The following ATCAY variants were observed in gnomAD, a reference collection of about 807,000 sequenced individuals.
ATCAY encodes caytaxin.
ATCAY carries 22 observed loss-of-function variants against 47.7 expected under a neutral mutation model. The observed-to-expected ratio is 0.46, with a 90% CI of 0.33 to 0.66. The LOEUF is 0.66. ATCAY is among the 30% of genes least tolerant of loss of function. The pLI, the probability that ATCAY is intolerant of heterozygous loss-of-function variation, is 0.02. For synonymous variants in ATCAY, 216 were observed against 207.6 expected (o/e 1.04, Z -0.35); for missense variants, 452 against 515.0 (o/e 0.88, Z 1.18).
intron 5 of ATCAY, 92 bp from the exon 6 acceptor site, chr19:3,908,176 G>C (rs184429970): frequency 6.8e-6 from 8 of 1,183,772 alleles, no homozygotes; most frequent in Non-Finnish European, 8.5e-6. Flanking sequence ...CCTCCCGAGC[G>C]TGTGGGCACC....
rs150310410 is a variant in ATCAY, at chr19:3,912,627, C to A, written c.867-1131C>A. ...AGGTGTGGTGACCCAGGCTTGTAAT[C>A]CCAGCACTTTGGGAGACCGAGGCAG... On this transcript the variant is annotated intron_variant, in intron 8 of 12. Transcript: ENST00000450849. 9.9e-4 allele frequency among the ~76,000 whole-genome samples: 151 copies of A among 152,150 alleles called. 1 individual carries two copies. In the East Asian group the frequency reaches 0.025, roughly 25 times the overall value.
In ATCAY at chr19:3,885,109, T is replaced by TAAAA. The variant is rs34258948; in HGVS notation, c.-41-595_-41-592dup. On this transcript the variant is annotated intron_variant, in intron 1 of 12. Transcript: ENST00000450849. ...CAGAGCAAGATCATGTTTTTTTTTT[T>TAAAA]AAAAAAAAAAAAAAAAAAAAAAAAA... Among the ~76,000 whole-genome samples the TAAAA allele has an allele frequency of 3.5e-3, 244 of 70,250 alleles. 1 individual carries two copies. Among genetic ancestry groups the TAAAA allele is most frequent in the Middle Eastern group, 9.3e-3 (1 of 108 alleles). 46.1% of individuals were successfully genotyped at this position (70,250 alleles called of 152,430 possible).
chr19:3,904,752 G>C (rs1409467602), intron 3 of ATCAY, among the ~76,000 whole-genome samples: 1 of 152,080 alleles, frequency 6.6e-6, no homozygotes, highest in Admixed American at 6.6e-5. Context: ...ATCGTTACAG[G>C]ATCCTCATGA....
chr19:3,916,528 C>A (rs761437905), intron 9 of ATCAY, among the ~76,000 whole-genome samples: 2 of 152,196 alleles, frequency 1.3e-5, no homozygotes, highest in Non-Finnish European at 2.9e-5. Flanking sequence ...GAGTCTCACT[C>A]TGTCACCCAG....
chr19:3,910,844 C>G lies in ATCAY; in HGVS notation c.821C>G (p.Ser274Trp). 6.2e-7 allele frequency: 1 copy of G among 1,614,020 alleles called. No individual in the cohort carries two copies. The highest frequency in any genetic ancestry group is 8.5e-7 in the Non-Finnish European group (1 of 1,179,898). ...NLKSLIIVHP[S>W]WFIRTVLAIS... ...AAGTCCTTGATCATCGTCCACCCCT[C>G]GTGGTTCATTCGGACTGTGCTGGCC... Residue 274 changes from serine to tryptophan, a missense_variant, in exon 8 of 13, where the codon TCG becomes TGG. Coordinates refer to ENST00000450849, the MANE Select transcript of ATCAY (RefSeq NM_033064.5).
chr19:3,895,215 A>AGTTTTT (rs566755627), intron 2 of ATCAY: 10 of 455,878 alleles, frequency 2.2e-5, no homozygotes, highest in African/African-American at 4.0e-5. Context: ...CTAATGCTGC[A>AGTTTTT]GTTTTTGTTT....
intron 10 of ATCAY, 54 bp from the exon 11 acceptor site, chr19:3,918,752 C>A: frequency 6.2e-7 from 1 of 1,602,342 alleles, no homozygotes; most frequent in Non-Finnish European, 8.5e-7. Flanking sequence ...GAGAGCCCAC[C>A]CCTTGGCCTG....
chr19:3,925,506 C>T lies in ATCAY; in HGVS notation c.*914C>T, dbSNP rs1456397540. ...CAAGAGGAAGATACAGGGTATCGGG[C>T]GTTTGAGTGTTTCAGAAGTCATTCG... On this transcript the variant is annotated 3_prime_UTR_variant, in exon 13 of 13. Coordinates refer to ENST00000450849, the MANE Select transcript of ATCAY (RefSeq NM_033064.5). This position sits in a 1 kb window ranked among gnomAD's most constrained non-coding sequence, Gnocchi z 4.4. 3 of 152,216 alleles carry T rather than the reference C, an allele frequency of 2.0e-5. No homozygotes were observed. The highest frequency in any genetic ancestry group is 2.1e-4 in the South Asian group (1 of 4,836). The allele number at this position is 152,216 out of a possible 1,614,324, so 9.4% of individuals were successfully genotyped here. A position where few individuals can be genotyped will look rare whatever the true frequency, so the allele number is the denominator to read the frequency against.
At chr19:3,891,736 G>T (rs562953762) in intron 2 of ATCAY, among the ~76,000 whole-genome samples, 4 of 151,882 alleles carry the variant, frequency 2.6e-5, no homozygotes, top group Non-Finnish European at 5.9e-5. Context: ...TGGGGGAGGA[G>T]CTTACCCAGG....
chr19:3,899,509 T>G (rs1222528663), intron 2 of ATCAY, among the ~76,000 whole-genome samples: 2 of 151,856 alleles, frequency 1.3e-5, no homozygotes, highest in Admixed American at 1.3e-4. Flanking sequence ...GAGACTGGGT[T>G]TCACCATTTT....
At chr19:3,901,501 A>G (rs1450111977) in intron 2 of ATCAY, among the ~76,000 whole-genome samples, 1 of 152,142 alleles carries the variant, frequency 6.6e-6, no homozygotes, top group Non-Finnish European at 1.5e-5. Context: ...ACAACTCATC[A>G]GAGACCAAAT....
intron 2 of ATCAY, among the ~76,000 whole-genome samples, chr19:3,897,832 C>T (rs528829328): frequency 2.0e-5 from 3 of 152,116 alleles, no homozygotes; most frequent in South Asian, 4.1e-4. Context: ...CGCCTAAACC[C>T]GGGAGATGGA....
chr19:3,898,946 C>G (rs528156808), intron 2 of ATCAY, among the ~76,000 whole-genome samples: 64 of 152,306 alleles, frequency 4.2e-4, no homozygotes, highest in South Asian at 3.3e-3. Context: ...TCCCAAAGTG[C>G]CAGGATGACA....
At chr19:3,909,236 C>CAA (rs1219999854) in intron 6 of ATCAY, among the ~76,000 whole-genome samples, 4 of 116,182 alleles carry the variant, frequency 3.4e-5, no homozygotes, top group East Asian at 5.9e-4. Context: ...GATTCCGTCT[C>CAA]AAAAAAAAAA....
chr19:3,908,243 T>G, intron 5 of ATCAY, 25 bp from the exon 6 acceptor site: 1 of 1,548,888 alleles, frequency 6.5e-7, no homozygotes, highest in South Asian at 1.2e-5. Flanking sequence ...GACTCTGACG[T>G]TGCCGATCGG....
intron 10 of ATCAY, 111 bp downstream of exon 10, chr19:3,917,888 T>A: frequency 8.1e-7 from 1 of 1,230,604 alleles, no homozygotes; most frequent in Non-Finnish European, 1.1e-6. Context: ...CATTGTCCTG[T>A]GCAGGGCTCA....
chr19:3,897,263 C>CTATATA (rs10677459), intron 2 of ATCAY, among the ~76,000 whole-genome samples: 3,800 of 143,912 alleles, frequency 0.026, 92 homozygotes, highest in African/African-American at 0.069. Flanking sequence ...TTGAAGTTTG[C>CTATATA]TATATATATA....
At chr19:3,912,253 G>A (rs544045579) in intron 8 of ATCAY, among the ~76,000 whole-genome samples, 137 of 152,144 alleles carry the variant, frequency 9.0e-4, no homozygotes, top group African/African-American at 2.7e-3. Context: ...TGAGAGGATC[G>A]CTTGAGCCCG....
intron 1 of ATCAY, among the ~76,000 whole-genome samples, chr19:3,882,889 C>A (rs1440670556): frequency 2.0e-5 from 3 of 151,914 alleles, no homozygotes; most frequent in Non-Finnish European, 4.4e-5. Flanking sequence ...GGGCTCAATC[C>A]TCCCACCTCA....
Sources: gnomAD v4.1 joint callset for allele counts (sites outside exome capture counted in the v4.1 genomes callset) on GRCh38, gnomAD v4.1.1 for gene constraint, Gnocchi (gnomAD v3.1) non-coding constraint, MANE v1.5 for transcripts, NCBI Gene and HGNC (gene_info 2026-07-23, HGNC 2026-07-21) for gene names.